Variants in MAN2B2 observed in about 807,000 individuals in gnomAD.
MAN2B2 encodes the protein epididymis-specific alpha-mannosidase.
Under a neutral mutation model 117.1 loss-of-function variants are expected in MAN2B2, and 106 were observed. The ratio of observed to expected loss-of-function variants is 0.90; its 90% CI spans 0.77 to 1.06. The LOEUF is 1.06. Ranked by LOEUF, MAN2B2 falls within the 50% of genes least tolerant of loss-of-function variation. MAN2B2 has a pLI of 0.00. For synonymous variants in MAN2B2, 544 were observed against 595.1 expected (o/e 0.91, Z 1.25); for missense variants, 1,326 against 1,381.4 (o/e 0.96, Z 0.64).
At chr4:6,599,706 C>T (rs1727251308) in intron 9 of MAN2B2, among the ~76,000 whole-genome samples, 1 of 151,958 alleles carries the variant, frequency 6.6e-6, no homozygotes, top group African/African-American at 2.4e-5. Context: ...CAGGCAAGAG[C>T]CACCATGCCT....
Position 6,604,917 on chromosome 4 carries a change from C to T in MAN2B2, c.1540-138C>T, listed in dbSNP as rs1251643667. 4 of 1,070,558 alleles carry T rather than the reference C, an allele frequency of 3.7e-6. No homozygotes were observed. The African/African-American group carries it at 6.3e-5, about 17-fold the overall frequency. 66.3% of individuals were successfully genotyped at this position (1,070,558 alleles called of 1,614,324 possible). ...TTGTGGGGGTCCAAGGGGAGAAAGC[C>T]AGAACTGGGGGCAGGGAGGAGAAAT... On this transcript the variant is annotated intron_variant, in intron 10 of 18. Transcript: ENST00000285599.
chr4:6,610,044 C>G lies in MAN2B2; in HGVS notation c.2253C>G (p.Ile751Met). The change falls in exon 13 of 19, where the codon ATC becomes ATG. Residue 751 changes from isoleucine to methionine, a missense_variant. Coordinates refer to ENST00000285599, the MANE Select transcript of MAN2B2 (RefSeq NM_015274.3). Reference sequence around the variant, plus strand: ...ACGTTTCCTATGTGAACAACAGCATCGCCCGGGTATGTCCTGCAATGCCCA... The same window carrying G: ...ACGTTTCCTATGTGAACAACAGCATGGCCCGGGTATGTCCTGCAATGCCCA... ...RPYVSYVNNS[I>M]ARNYYPMVQS... 6 of 1,614,102 alleles carry G rather than the reference C, an allele frequency of 3.7e-6. No homozygotes were observed. Among genetic ancestry groups the G allele is most frequent in the Non-Finnish European group, 5.1e-6 (6 of 1,179,994 alleles).
In MAN2B2 at chr4:6,611,114, A is replaced by G. The variant is rs1366965035; in HGVS notation, c.2399A>G (p.Asn800Ser). The G allele has an allele frequency of 1.2e-6, 2 of 1,613,582 alleles. No homozygotes were observed. Among genetic ancestry groups the G allele is most frequent in the Admixed American group, 3.3e-5 (2 of 60,010 alleles). The stretch of plus-strand genomic sequence containing the variant: ...ATGCTCCACCGGCGGCTGTGGAACA[A>G]CTTCGACTGGGACCTGGGCTACAAC... ...EVMLHRRLWN[N>S]FDWDLGYNLT... The change falls in exon 15 of 19, where the codon AAC becomes AGC. Residue 800 changes from asparagine (N) to serine (S), a missense_variant. Asn to Ser is a conservative substitution (Grantham distance 46, BLOSUM62 1). Transcript: ENST00000285599.
intron 9 of MAN2B2, among the ~76,000 whole-genome samples, chr4:6,599,433 CG>C (rs988870242): frequency 6.6e-6 from 1 of 151,894 alleles, no homozygotes; most frequent in African/African-American, 2.4e-5. Flanking sequence ...GAGGCCGAGG[CG>C]GGTGGATTAC....
intron 14 of MAN2B2, 41 bp from the exon 15 acceptor site, chr4:6,611,045 C>T: frequency 2.5e-6 from 4 of 1,612,076 alleles, no homozygotes; most frequent in Middle Eastern, 1.7e-4. Context: ...ACAGGCATGC[C>T]CAGGTGCAAG....
chr4:6,601,470 AGCCTGGGCAACAAGAGTGAGACTC>A (rs1162636831), intron 10 of MAN2B2, among the ~76,000 whole-genome samples: 2 of 151,546 alleles, frequency 1.3e-5, no homozygotes, highest in African/African-American at 2.4e-5. Flanking sequence ...ACTGCACTCC[AGCCTGGGCAACAAGAGTGAGACTC>A]CATCTCAAAA....
At chr4:6,619,555 G>T (rs964731235) in intron 17 of MAN2B2, 1 of 205,588 alleles carries the variant, frequency 4.9e-6, no homozygotes, top group Non-Finnish European at 1.0e-5. Context: ...GGGAAAGGGG[G>T]ATGGGGTAAC....
chr4:6,613,392 T>C (rs912706491), intron 15 of MAN2B2, among the ~76,000 whole-genome samples: 6 of 151,998 alleles, frequency 3.9e-5, no homozygotes, highest in Admixed American at 3.9e-4. Context: ...AGTTTAAGAC[T>C]AGCCTGTGAG....
chr4:6,616,900 G>A (rs1447002557), intron 16 of MAN2B2, among the ~76,000 whole-genome samples: 1 of 152,168 alleles, frequency 6.6e-6, no homozygotes, highest in African/African-American at 2.4e-5. Flanking sequence ...GTCTCACATG[G>A]AGTCTATTAG....
At chr4:6,579,087 TCAC>T (rs1726213482) in intron 3 of MAN2B2, among the ~76,000 whole-genome samples, 1 of 29,502 alleles carries the variant, frequency 3.4e-5, no homozygotes, top group East Asian at 1.3e-3. Flanking sequence ...ACCACCACCA[TCAC>T]CATCACCAGC....
Position 6,614,271 on chromosome 4 carries a change from C to T in MAN2B2, c.2617C>T (p.Pro873Ser). Residue 873 changes from proline (P) to serine (S), a missense_variant, in exon 16 of 19, where the codon CCG becomes TCG. Transcript: ENST00000285599. ...PQQQEAVTLP[P>S]NLHLQILSIP... Reference sequence around the variant, plus strand: ...GCAGCAAGAGGCCGTGACGCTGCCCCCGAATCTTCACCTGCAGATCCTGAG... The same window carrying T: ...GCAGCAAGAGGCCGTGACGCTGCCCTCGAATCTTCACCTGCAGATCCTGAG... The T allele has an allele frequency of 6.2e-7, 1 of 1,614,164 alleles. No homozygotes were observed. The highest frequency in any genetic ancestry group is 8.5e-7 in the Non-Finnish European group (1 of 1,180,014).
intron 10 of MAN2B2, among the ~76,000 whole-genome samples, chr4:6,601,199 G>C (rs1727315484): frequency 6.6e-6 from 1 of 152,158 alleles, no homozygotes; most frequent in African/African-American, 2.4e-5. Flanking sequence ...TACCATGACA[G>C]TTTTGTTAGA....
chr4:6,617,180 C>T (rs939598784), intron 16 of MAN2B2, among the ~76,000 whole-genome samples, 200 bp from the exon 17 acceptor site: 1 of 152,148 alleles, frequency 6.6e-6, no homozygotes, highest in African/African-American at 2.4e-5. Context: ...CAATTACCTC[C>T]CACCAGGTCC....
intron 17 of MAN2B2, chr4:6,618,252 C>G (rs917642101): frequency 2.0e-5 from 3 of 152,270 alleles, no homozygotes; most frequent in African/African-American, 7.2e-5. Context: ...TCCTGAAGTG[C>G]TGGGATTACA....
rs1479930960 is a variant in MAN2B2, at chr4:6,578,516, T to G, written c.391+18T>G. 1.2e-6 allele frequency: 2 copies of G among 1,605,944 alleles called. No homozygotes were observed. Among genetic ancestry groups the G allele is most frequent in the Non-Finnish European group, 1.7e-6 (2 of 1,175,160 alleles). Reference sequence around the variant, plus strand: ...GCTCACAGGTTTGGCCACCCTACCCTGCACCCAGGGTCCCTCAGGACCTCC... The same window carrying G: ...GCTCACAGGTTTGGCCACCCTACCCGGCACCCAGGGTCCCTCAGGACCTCC... On this transcript the variant is annotated intron_variant, in intron 3 of 18. Transcript: ENST00000285599.
At chr4:6,579,475 CCAT>C (rs1417890039) in intron 3 of MAN2B2, among the ~76,000 whole-genome samples, 1 of 147,788 alleles carries the variant, frequency 6.8e-6, no homozygotes, top group Non-Finnish European at 1.5e-5. Context: ...ACCACAATGA[CCAT>C]CACTACCACT....
chr4:6,608,541 A>G (rs1373014178), intron 11 of MAN2B2, among the ~76,000 whole-genome samples: 1 of 152,232 alleles, frequency 6.6e-6, no homozygotes, highest in East Asian at 1.9e-4. Flanking sequence ...GGGAGCACAG[A>G]ATTTAAAGTC....
In MAN2B2 at chr4:6,578,556, A is replaced by G. The variant is rs3764809; in HGVS notation, c.391+58A>G. 0.34 allele frequency: 480,531 copies of G among 1,427,880 alleles called. 82,840 individuals are homozygous for G. The highest frequency in any genetic ancestry group is 0.53 in the East Asian group (21,905 of 41,486). The allele number at this position is 1,427,880 out of a possible 1,614,324, so 88.5% of individuals were successfully genotyped here. A position where few individuals can be genotyped will look rare whatever the true frequency, so the allele number is the denominator to read the frequency against. On this transcript the variant is annotated intron_variant, in intron 3 of 18. Coordinates refer to ENST00000285599, the MANE Select transcript of MAN2B2 (RefSeq NM_015274.3). ...TCAGGACCTCCAGTGGGGCTGGGAC[A>G]TGGTATCAGAACCCCCAGGTTCTGA...
At chr4:6,596,199 G>T (rs1365614514) in intron 7 of MAN2B2, among the ~76,000 whole-genome samples, 1 of 151,928 alleles carries the variant, frequency 6.6e-6, no homozygotes, top group Non-Finnish European at 1.5e-5. Flanking sequence ...GTCCAGGTGG[G>T]CGTGGTATCC....
Sources: gnomAD v4.1 joint callset for allele counts (sites outside exome capture counted in the v4.1 genomes callset) on GRCh38, gnomAD v4.1.1 for gene constraint, MANE v1.5 for transcripts, NCBI Gene and HGNC (gene_info 2026-07-23, HGNC 2026-07-21) for gene names.